The following MAPKAP1 variants were observed in gnomAD, a reference collection of about 807,000 sequenced individuals.
MAPKAP1 encodes the protein MAPK associated protein 1.
Under a neutral mutation model 65.7 loss-of-function variants are expected in MAPKAP1, and 20 were observed. The observed-to-expected ratio is 0.30, with a 90% CI of 0.21 to 0.44. The LOEUF is 0.44. Among genes scored for constraint, MAPKAP1 ranks in the 20% least tolerant of loss-of-function variants. The pLI is 1.00. For missense variants in MAPKAP1, 423 were observed against 648.0 expected (o/e 0.65, Z 3.77); for synonymous variants, 222 against 244.3 (o/e 0.91, Z 0.85).
chr9:125,530,365 T>C (rs1203890788), intron 7 of MAPKAP1, among the ~76,000 whole-genome samples: 1 of 152,242 alleles, frequency 6.6e-6, no homozygotes, highest in Non-Finnish European at 1.5e-5. Flanking sequence ...CATTTTCATT[T>C]TCAAAATCAC....
intron 1 of MAPKAP1, among the ~76,000 whole-genome samples, chr9:125,678,632 A>G (rs1834728089): frequency 6.6e-6 from 1 of 152,218 alleles, no homozygotes; most frequent in South Asian, 2.1e-4. Flanking sequence ...ACTAAGTGCT[A>G]AGAGTGGTTT....
At chr9:125,482,289 G>GC (rs1217951606) in intron 9 of MAPKAP1, among the ~76,000 whole-genome samples, 1 of 152,078 alleles carries the variant, frequency 6.6e-6, no homozygotes, top group Non-Finnish European at 1.5e-5. Flanking sequence ...CTTCCCAGAA[G>GC]CCCTTCTCCA....
At chr9:125,657,130 A>T (rs1325045597) in intron 4 of MAPKAP1, among the ~76,000 whole-genome samples, 1 of 152,206 alleles carries the variant, frequency 6.6e-6, no homozygotes, top group Non-Finnish European at 1.5e-5. Flanking sequence ...ATCAGCCAAG[A>T]CAATGCAAAT....
At chr9:125,593,553 T>G (rs567292145) in intron 4 of MAPKAP1, among the ~76,000 whole-genome samples, 1 of 151,912 alleles carries the variant, frequency 6.6e-6, no homozygotes, top group African/African-American at 2.4e-5. Flanking sequence ...TCCCAGCTAC[T>G]TGAGAGGCTC....
chr9:125,589,640 G>T (rs1831894956), intron 4 of MAPKAP1, among the ~76,000 whole-genome samples: 1 of 152,140 alleles, frequency 6.6e-6, no homozygotes, highest in Non-Finnish European at 1.5e-5. Flanking sequence ...GGTGAAAAAG[G>T]TCAGTACAGG....
At chr9:125,516,297 G>T (rs574328708) in intron 7 of MAPKAP1, among the ~76,000 whole-genome samples, 1 of 152,234 alleles carries the variant, frequency 6.6e-6, no homozygotes, top group East Asian at 1.9e-4. Flanking sequence ...TCTTCAAGTC[G>T]ACAGAAAGCT....
chr9:125,679,799 T>C (rs1319130052), intron 1 of MAPKAP1, among the ~76,000 whole-genome samples: 2 of 152,212 alleles, frequency 1.3e-5, no homozygotes, highest in Non-Finnish European at 2.9e-5. Context: ...GAAATTCCCC[T>C]TCCTGGACTT....
intron 8 of MAPKAP1, among the ~76,000 whole-genome samples, chr9:125,489,494 G>A (rs940980205): frequency 6.6e-6 from 1 of 152,132 alleles, no homozygotes; most frequent in African/African-American, 2.4e-5. Context: ...TCAAATTTTG[G>A]GGTGGGGCCT....
chr9:125,447,851 A>C lies in MAPKAP1; in HGVS notation c.1346-3253T>G, dbSNP rs1852777603. ...AGGAGGGCAGGGAGTCAGCTGGGTA[A>C]AGGTGAGGGTGGAGAAGGGTGAAAA... is the stretch of plus-strand genomic sequence containing the variant. On this transcript the variant is annotated intron_variant, in intron 10 of 11. Coordinates refer to ENST00000265960, the MANE Select transcript of MAPKAP1 (RefSeq NM_001006617.3). This position sits in a 1 kb window ranked among gnomAD's most constrained non-coding sequence, Gnocchi z 4.5. 6.6e-6 allele frequency among the ~76,000 whole-genome samples: 1 copy of C among 152,190 alleles called. No individual in the cohort carries two copies. The highest frequency in any genetic ancestry group is 1.9e-4 in the East Asian group (1 of 5,198).
At chr9:125,609,392 G>C (rs886630972) in intron 4 of MAPKAP1, among the ~76,000 whole-genome samples, 3 of 152,166 alleles carry the variant, frequency 2.0e-5, no homozygotes, top group Non-Finnish European at 2.9e-5. Context: ...AGCTGGAACA[G>C]AAAAAATCCT....
chr9:125,635,762 A>AT (rs1024402389), intron 4 of MAPKAP1, among the ~76,000 whole-genome samples: 6 of 152,182 alleles, frequency 3.9e-5, no homozygotes, highest in Non-Finnish European at 8.8e-5. Flanking sequence ...TGAAATTCTG[A>AT]TTTTTAAGGT....
At chr9:125,592,747 C>A (rs1384049044) in intron 4 of MAPKAP1, among the ~76,000 whole-genome samples, 4 of 150,870 alleles carry the variant, frequency 2.7e-5, no homozygotes, top group African/African-American at 9.8e-5. Flanking sequence ...ACTAAAAATA[C>A]AAAAAATTAG....
intron 1 of MAPKAP1, among the ~76,000 whole-genome samples, chr9:125,695,873 C>T (rs1234613755): frequency 1.3e-5 from 2 of 152,050 alleles, no homozygotes; most frequent in African/African-American, 4.8e-5. Flanking sequence ...GGATTATAGG[C>T]ATGTGCCATC....
chr9:125,519,728 A>G (rs745994918), intron 7 of MAPKAP1, among the ~76,000 whole-genome samples: 6 of 151,576 alleles, frequency 4.0e-5, no homozygotes, highest in Non-Finnish European at 7.4e-5. Flanking sequence ...ACTGCAGACC[A>G]AGGGTCAGAT....
intron 11 of MAPKAP1, among the ~76,000 whole-genome samples, chr9:125,443,027 AT>A (rs1357519583): frequency 6.6e-6 from 1 of 152,146 alleles, no homozygotes; most frequent in African/African-American, 2.4e-5. Context: ...CTGCTACTTT[AT>A]TCCTGATCCT....
chr9:125,664,083 A>C (rs1240714873), intron 3 of MAPKAP1, among the ~76,000 whole-genome samples: 1 of 152,174 alleles, frequency 6.6e-6, no homozygotes, highest in Non-Finnish European at 1.5e-5. Flanking sequence ...GCGGTGGCTC[A>C]CACCTGTAAT....
At chr9:125,551,905 A>C (rs1005010050) in intron 6 of MAPKAP1, among the ~76,000 whole-genome samples, 1 of 152,090 alleles carries the variant, frequency 6.6e-6, no homozygotes, top group Non-Finnish European at 1.5e-5. Flanking sequence ...CCCTTGTCCT[A>C]CTTTGTCTAA....
At chr9:125,701,401 A>C (rs898375445) in intron 1 of MAPKAP1, among the ~76,000 whole-genome samples, 2 of 152,252 alleles carry the variant, frequency 1.3e-5, no homozygotes, top group African/African-American at 4.8e-5. Flanking sequence ...AAAGGAAAAA[A>C]GATCCGAGGA....
At chr9:125,535,852 G>C (rs1830060007) in intron 7 of MAPKAP1, among the ~76,000 whole-genome samples, 1 of 152,160 alleles carries the variant, frequency 6.6e-6, no homozygotes, top group South Asian at 2.1e-4. Context: ...AAGTGTGTGT[G>C]TGTGTCTCCC....
Sources: allele counts gnomAD v4.1 joint callset (sites outside exome capture counted in the v4.1 genomes callset), GRCh38; gene constraint gnomAD v4.1.1; non-coding constraint Gnocchi (gnomAD v3.1); transcripts MANE v1.5; gene names NCBI Gene and HGNC (gene_info 2026-07-23, HGNC 2026-07-21).